Variants in DKK2 observed in about 807,000 individuals in gnomAD.
DKK2 encodes dickkopf-related protein 2.
In DKK2, 11 loss-of-function variants were observed where a neutral mutation model predicts 28.1. The observed-to-expected ratio is 0.39, with a 90% CI of 0.25 to 0.65. DKK2 has a LOEUF of 0.65. Among genes scored for constraint, DKK2 ranks in the 30% least tolerant of loss-of-function variants. DKK2 has a pLI of 0.47. For synonymous variants in DKK2, 135 were observed against 126.5 expected, an observed-to-expected ratio of 1.07 and a Z score of -0.45; for missense variants, 326 against 335.5, an observed-to-expected ratio of 0.97 and a Z score of 0.22.
intron 1 of DKK2, among the ~76,000 whole-genome samples, chr4:107,026,076 A>G (rs1463348813): frequency 6.6e-6 from 1 of 152,226 alleles, no homozygotes; most frequent in Non-Finnish European, 1.5e-5. Flanking sequence ...CCTCGTGTGT[A>G]AAATGAGCAA....
chr4:107,014,521 G>T (rs1447510010), intron 1 of DKK2, among the ~76,000 whole-genome samples: 1 of 151,270 alleles, frequency 6.6e-6, no homozygotes, highest in African/African-American at 2.4e-5. Context: ...GGGAGGGGCT[G>T]GTCATGGGGT....
At chr4:106,986,922 T>C (rs1723128450) in intron 1 of DKK2, among the ~76,000 whole-genome samples, 2 of 152,236 alleles carry the variant, frequency 1.3e-5, no homozygotes, top group African/African-American at 4.8e-5. Context: ...TATTCTAAAA[T>C]TAAATACTTT....
chr4:106,966,768 C>A (rs574776110), intron 1 of DKK2, among the ~76,000 whole-genome samples: 4 of 152,096 alleles, frequency 2.6e-5, no homozygotes, highest in Admixed American at 6.6e-5. Context: ...AGAGAGAGAG[C>A]TTGTGCAGGG....
intron 1 of DKK2, among the ~76,000 whole-genome samples, chr4:106,940,198 G>T (rs1051774797): frequency 1.3e-5 from 2 of 152,106 alleles, no homozygotes; most frequent in Non-Finnish European, 2.9e-5. Context: ...GAAAATTTTC[G>T]CAACCTACTC....
chr4:106,935,402 T>C (rs1248229094), intron 1 of DKK2, among the ~76,000 whole-genome samples: 2 of 152,152 alleles, frequency 1.3e-5, no homozygotes, highest in East Asian at 3.9e-4. Context: ...ACTGCGCTTT[T>C]CCAATGGGCT....
intron 1 of DKK2, among the ~76,000 whole-genome samples, chr4:106,935,175 G>A (rs972938198): frequency 3.9e-5 from 6 of 152,216 alleles, no homozygotes; most frequent in East Asian, 1.9e-4. Flanking sequence ...GGCAGAAGAC[G>A]GTGATTTCTG....
At chr4:107,004,858 T>C (rs1394183808) in intron 1 of DKK2, among the ~76,000 whole-genome samples, 1 of 152,080 alleles carries the variant, frequency 6.6e-6, no homozygotes, top group Non-Finnish European at 1.5e-5. Context: ...GTTTGAGATA[T>C]GTAAGATGAA....
At chr4:106,992,651 A>G (rs192465873) in intron 1 of DKK2, among the ~76,000 whole-genome samples, 28 of 152,386 alleles carry the variant, frequency 1.8e-4, no homozygotes, top group Non-Finnish European at 3.5e-4. Flanking sequence ...TGTTAAAGCA[A>G]TAATACAGTA....
At chr4:106,996,605 G>C (rs1236136774) in intron 1 of DKK2, among the ~76,000 whole-genome samples, 4 of 152,198 alleles carry the variant, frequency 2.6e-5, no homozygotes. Flanking sequence ...TCATGGGATG[G>C]AGACAGATTT....
intron 1 of DKK2, among the ~76,000 whole-genome samples, chr4:107,028,640 C>T (rs1164514678): frequency 6.6e-6 from 1 of 152,138 alleles, no homozygotes; most frequent in Non-Finnish European, 1.5e-5. Context: ...GAATTTAAAA[C>T]CTGTTTGAAA....
chr4:106,969,480 T>G (rs1217598797), intron 1 of DKK2, among the ~76,000 whole-genome samples: 2 of 151,914 alleles, frequency 1.3e-5, no homozygotes, highest in African/African-American at 4.8e-5. Flanking sequence ...AAAAATTTAC[T>G]CTGAAAATTA....
intron 1 of DKK2, among the ~76,000 whole-genome samples, chr4:107,006,211 C>G (rs1329662828): frequency 6.6e-6 from 1 of 152,068 alleles, no homozygotes; most frequent in Non-Finnish European, 1.5e-5. Flanking sequence ...TTTGGGGGTT[C>G]ACATTAAAAT....
At chr4:106,964,997 A>G (rs1471859604) in intron 1 of DKK2, among the ~76,000 whole-genome samples, 47 of 149,872 alleles carry the variant, frequency 3.1e-4, no homozygotes, top group African/African-American at 1.0e-3. Context: ...AGATAGATAG[A>G]TAGATAGATT....
intron 1 of DKK2, among the ~76,000 whole-genome samples, chr4:106,986,059 G>C (rs940712501): frequency 6.6e-6 from 1 of 152,056 alleles, no homozygotes; most frequent in Non-Finnish European, 1.5e-5. Context: ...TGGGAAGCGT[G>C]GTTATTCAGA....
chr4:106,970,227 G>A (rs1358498680), intron 1 of DKK2, among the ~76,000 whole-genome samples: 1 of 152,086 alleles, frequency 6.6e-6, no homozygotes. Flanking sequence ...AAAGAACTGA[G>A]AACATTTTCT....
At chr4:106,980,720 G>A (rs1365749941) in intron 1 of DKK2, among the ~76,000 whole-genome samples, 1 of 152,108 alleles carries the variant, frequency 6.6e-6, no homozygotes, top group African/African-American at 2.4e-5. Flanking sequence ...TATTAAGCAG[G>A]TTTCATGTGT....
Position 106,988,312 on chromosome 4 carries a change from T to C in DKK2, c.222+47058A>G, listed in dbSNP as rs151263624. Among the ~76,000 whole-genome samples, 41 of 152,318 alleles carry C rather than the reference T, an allele frequency of 2.7e-4. No homozygotes were observed. The East Asian group carries it at 5.8e-3, about 21-fold the overall frequency. On this transcript the variant is annotated intron_variant, in intron 1 of 3. Transcript: ENST00000285311. ...TTTTTAAACTCAAAGTAACATTGACTCCTTGTTTTCAGTTTCAAAGTCATT... is the reference window on the plus strand; with the variant it reads ...TTTTTAAACTCAAAGTAACATTGACCCCTTGTTTTCAGTTTCAAAGTCATT...
chr4:106,933,277 A>C (rs1724528851), intron 1 of DKK2, among the ~76,000 whole-genome samples: 1 of 152,232 alleles, frequency 6.6e-6, no homozygotes, highest in Non-Finnish European at 1.5e-5. Context: ...AATGCAACTC[A>C]GTATTACCTC....
chr4:106,950,820 T>C (rs1181508907), intron 1 of DKK2, among the ~76,000 whole-genome samples: 1 of 152,148 alleles, frequency 6.6e-6, no homozygotes, highest in Admixed American at 6.6e-5. Context: ...AGTGTACACA[T>C]TGCTAAATTT....
Sources: allele counts gnomAD v4.1 joint callset (sites outside exome capture counted in the v4.1 genomes callset), GRCh38; gene constraint gnomAD v4.1.1; transcripts MANE v1.5; gene names NCBI Gene and HGNC (gene_info 2026-07-23, HGNC 2026-07-21).